The following CDH12 variants were observed in gnomAD, a reference collection of about 807,000 sequenced individuals.
The protein encoded by CDH12 is cadherin 12.
A neutral mutation model predicts 74.1 loss-of-function variants in CDH12; 41 were observed. The observed-to-expected ratio is 0.55, with a 90% CI of 0.43 to 0.72. The LOEUF (loss-of-function observed/expected upper bound fraction) is 0.72. Among genes scored for constraint, CDH12 ranks in the 30% least tolerant of loss-of-function variants. The pLI, the probability that CDH12 is intolerant of heterozygous loss-of-function variation, is 0.00. For missense variants in CDH12, 945 were observed against 977.2 expected, an observed-to-expected ratio of 0.97 and a Z score of 0.44; for synonymous variants, 399 against 355.0, an observed-to-expected ratio of 1.12 and a Z score of -1.39.
intron 3 of CDH12, among the ~76,000 whole-genome samples, chr5:22,301,505 A>G (rs1054347049): frequency 1.3e-5 from 2 of 152,220 alleles, no homozygotes; most frequent in African/African-American, 4.8e-5. Context: ...CAAAAGAGCC[A>G]AGTAAACTTC....
chr5:22,095,668 A>G (rs1042872607), intron 4 of CDH12, among the ~76,000 whole-genome samples: 1 of 149,332 alleles, frequency 6.7e-6, no homozygotes, highest in Non-Finnish European at 1.5e-5. Flanking sequence ...GAACCCCCCA[A>G]CCCCTTCTCT....
At chr5:21,857,096 GC>G (rs1221127125) in intron 6 of CDH12, among the ~76,000 whole-genome samples, 2 of 151,766 alleles carry the variant, frequency 1.3e-5, no homozygotes, top group Non-Finnish European at 2.9e-5. Flanking sequence ...TCGGTCAATT[GC>G]CTGGAGCATG....
chr5:22,060,638 A>C (rs1741125777), intron 5 of CDH12, among the ~76,000 whole-genome samples: 1 of 152,190 alleles, frequency 6.6e-6, no homozygotes, highest in African/African-American at 2.4e-5. Context: ...TCAACACAGT[A>C]TACAAGATTG....
At chr5:22,483,276 A>G in intron 2 of CDH12, among the ~76,000 whole-genome samples, 1 of 152,188 alleles carries the variant, frequency 6.6e-6, no homozygotes, top group Non-Finnish European at 1.5e-5. Context: ...TCAAGTTTTT[A>G]AAAATCTACT....
intron 1 of CDH12, among the ~76,000 whole-genome samples, chr5:22,803,567 T>G (rs573644918): frequency 2.0e-4 from 30 of 152,306 alleles, no homozygotes; most frequent in African/African-American, 6.7e-4. Context: ...CCCTCCCATA[T>G]TTTGCTTCTT....
chr5:22,465,366 G>T (rs1282649186), intron 2 of CDH12, among the ~76,000 whole-genome samples: 1 of 152,046 alleles, frequency 6.6e-6, no homozygotes, highest in Admixed American at 6.6e-5. Context: ...AATCAAACAT[G>T]TCACAGCATG....
chr5:22,233,870 T>C (rs1752472978), intron 3 of CDH12, among the ~76,000 whole-genome samples: 1 of 152,188 alleles, frequency 6.6e-6, no homozygotes, highest in Non-Finnish European at 1.5e-5. Context: ...TTTGCCCACC[T>C]TGACGTGCCA....
At chr5:22,067,777 C>T (rs2150213004) in intron 5 of CDH12, among the ~76,000 whole-genome samples, 1 of 152,086 alleles carries the variant, frequency 6.6e-6, no homozygotes, top group East Asian at 1.9e-4. Context: ...TTTTTAGAAA[C>T]AATGGAGCCT....
Position 21,989,864 on chromosome 5 carries a change from A to T in CDH12, c.232-14479T>A, listed in dbSNP as rs546606215. On this transcript the variant is annotated intron_variant, in intron 5 of 14. Coordinates refer to ENST00000382254, the MANE Select transcript of CDH12 (RefSeq NM_004061.5). ...CTGAAATTTGTTTTAGATACTACTA[A>T]TTCTATCAGTGGCTTTCTCTTACCC... is the stretch of plus-strand genomic sequence containing the variant. 3.3e-5 allele frequency among the ~76,000 whole-genome samples: 5 copies of T among 152,274 alleles called. 1 individual carries two copies. The highest frequency in any genetic ancestry group is 9.6e-5 in the African/African-American group (4 of 41,568).
intron 2 of CDH12, among the ~76,000 whole-genome samples, chr5:22,429,549 T>A (rs1744080911): frequency 6.6e-6 from 1 of 152,298 alleles, no homozygotes; most frequent in Admixed American, 6.5e-5. Context: ...ATGACCCTTC[T>A]TGTTTCCTTA....
At chr5:22,724,701 C>T (rs376845473) in intron 1 of CDH12, among the ~76,000 whole-genome samples, 6 of 151,714 alleles carry the variant, frequency 4.0e-5, no homozygotes, top group African/African-American at 2.4e-5. Flanking sequence ...CATGTGTGTG[C>T]ATGTGTTAAA....
chr5:22,019,596 G>A (rs1421407171), intron 5 of CDH12, among the ~76,000 whole-genome samples: 2 of 152,180 alleles, frequency 1.3e-5, no homozygotes, highest in Admixed American at 1.3e-4. Flanking sequence ...GCAAGAAGAT[G>A]TTGACCTGCA....
intron 6 of CDH12, among the ~76,000 whole-genome samples, chr5:21,905,488 A>G (rs914829786): frequency 2.0e-5 from 3 of 152,194 alleles, no homozygotes; most frequent in Admixed American, 6.5e-5. Context: ...GGAAAATGTG[A>G]AAGCACATCT....
intron 3 of CDH12, among the ~76,000 whole-genome samples, chr5:22,383,801 T>G (rs1561362204): frequency 6.6e-6 from 1 of 152,164 alleles, no homozygotes; most frequent in African/African-American, 2.4e-5. Flanking sequence ...ATTATAACCA[T>G]AGCAGAAATC....
At chr5:22,361,517 T>C (rs546623265) in intron 3 of CDH12, among the ~76,000 whole-genome samples, 2 of 152,128 alleles carry the variant, frequency 1.3e-5, no homozygotes, top group Non-Finnish European at 2.9e-5. Flanking sequence ...AGGTAATTTA[T>C]AGATTCAATG....
At chr5:21,883,030 C>A in intron 6 of CDH12, 36 of 1,609,580 alleles carry the variant, frequency 2.2e-5, no homozygotes, top group Non-Finnish European at 3.0e-5. Flanking sequence ...GTGATGTTAG[C>A]TGTTGATGCT....
chr5:22,220,317 A>G (rs1366622394), intron 3 of CDH12, among the ~76,000 whole-genome samples: 1 of 151,776 alleles, frequency 6.6e-6, no homozygotes, highest in Non-Finnish European at 1.5e-5. Flanking sequence ...TAATAGTGAG[A>G]TACTGAAAAC....
chr5:22,022,361 C>T (rs1738045429), intron 5 of CDH12, among the ~76,000 whole-genome samples: 1 of 152,160 alleles, frequency 6.6e-6, no homozygotes, highest in South Asian at 2.1e-4. Context: ...CACACTCTCT[C>T]CTGCAGCCAT....
intron 1 of CDH12, among the ~76,000 whole-genome samples, chr5:22,534,396 T>C (rs1737732642): frequency 6.6e-6 from 1 of 152,160 alleles, no homozygotes; most frequent in African/African-American, 2.4e-5. Context: ...GTGTTATTCT[T>C]ATGGCTTTGC....
Sources: gnomAD v4.1 joint callset for allele counts (sites outside exome capture counted in the v4.1 genomes callset) on GRCh38, gnomAD v4.1.1 for gene constraint, MANE v1.5 for transcripts, NCBI Gene and HGNC (gene_info 2026-07-23, HGNC 2026-07-21) for gene names.